CNTN5: variants seen among roughly 807,000 people sequenced by gnomAD.
CNTN5 encodes the protein contactin 5, also known as contactin-5.
In CNTN5, 77 loss-of-function variants were observed where a neutral mutation model predicts 129.1. That is an observed-to-expected ratio of 0.60 (90% CI 0.50 to 0.72). The LOEUF (loss-of-function observed/expected upper bound fraction) is 0.72, where lower values mean the gene tolerates loss of function less well. Ranked by LOEUF, CNTN5 falls within the 30% of genes least tolerant of loss-of-function variation. The pLI is 0.00. For synonymous variants in CNTN5, 509 were observed against 465.6 expected (o/e 1.09, Z -1.20); for missense variants, 1,478 against 1,328.8 (o/e 1.11, Z -1.75).
At chr11:99,942,692 G>C (rs187475552) in intron 7 of CNTN5, among the ~76,000 whole-genome samples, 2 of 151,902 alleles carry the variant, frequency 1.3e-5, no homozygotes, top group Non-Finnish European at 2.9e-5. Context: ...CCACAACCCC[G>C]ACAGGCCCCG....
chr11:99,283,604 A>G (rs1275589589), intron 1 of CNTN5, among the ~76,000 whole-genome samples: 3 of 152,150 alleles, frequency 2.0e-5, no homozygotes, highest in Admixed American at 6.6e-5. Flanking sequence ...TAAAAATTCT[A>G]TTTGGTGCAT....
chr11:99,903,471 A>G lies in CNTN5; in HGVS notation c.578-12583A>G, dbSNP rs970614423. On this transcript the variant is annotated intron_variant, in intron 6 of 24. Coordinates refer to ENST00000524871, the MANE Select transcript of CNTN5 (RefSeq NM_014361.4). ...AAATGCAGTTATCAGGTTGAAAAGCATAATGTTATACTCACAGTCAAACTG... is the reference window on the plus strand; with the variant it reads ...AAATGCAGTTATCAGGTTGAAAAGCGTAATGTTATACTCACAGTCAAACTG... Among the ~76,000 whole-genome samples, 9 of 152,252 alleles carry G rather than the reference A, an allele frequency of 5.9e-5. No homozygotes were observed. In the South Asian group the frequency reaches 1.9e-3, roughly 31 times the overall value.
chr11:99,722,540 C>A (rs925111612), intron 3 of CNTN5, among the ~76,000 whole-genome samples: 3 of 151,892 alleles, frequency 2.0e-5, no homozygotes, highest in Non-Finnish European at 4.4e-5. Flanking sequence ...GTGCTTAATA[C>A]CTGGGTAATT....
At chr11:100,314,662 C>T (rs1444131025) in intron 21 of CNTN5, among the ~76,000 whole-genome samples, 1 of 152,116 alleles carries the variant, frequency 6.6e-6, no homozygotes, top group Non-Finnish European at 1.5e-5. Flanking sequence ...AGGGAAGCTA[C>T]ACTTGAGCAA....
intron 1 of CNTN5, among the ~76,000 whole-genome samples, chr11:99,039,885 A>G (rs1223497945): frequency 1.3e-5 from 2 of 152,158 alleles, no homozygotes. Flanking sequence ...AGAGGTTTTT[A>G]CACTTTAAAA....
intron 2 of CNTN5, among the ~76,000 whole-genome samples, chr11:99,372,090 A>C (rs969114040): frequency 1.2e-4 from 19 of 152,234 alleles, no homozygotes; most frequent in Non-Finnish European, 1.5e-5. Flanking sequence ...TGGCTGAAAC[A>C]AGCACAGCCT....
At chr11:99,703,327 A>T (rs1242956029) in intron 3 of CNTN5, among the ~76,000 whole-genome samples, 1 of 148,050 alleles carries the variant, frequency 6.8e-6, no homozygotes, top group Non-Finnish European at 1.5e-5. Flanking sequence ...CTAGAGGTTG[A>T]GTTTTGTTAA....
At chr11:99,300,027 T>C (rs1864561997) in intron 1 of CNTN5, among the ~76,000 whole-genome samples, 1 of 152,156 alleles carries the variant, frequency 6.6e-6, no homozygotes, top group Non-Finnish European at 1.5e-5. Context: ...GTATAAGCAT[T>C]GCCTTTTCTC....
In CNTN5 at chr11:99,538,558, A is replaced by G. The variant is rs180976324; in HGVS notation, c.-70-17587A>G. Among the ~76,000 whole-genome samples the G allele has an allele frequency of 5.3e-3, 808 of 152,294 alleles. 10 individuals are homozygous for G. The highest frequency in any genetic ancestry group is 0.019 in the African/African-American group (777 of 41,564). On this transcript the variant is annotated intron_variant, in intron 2 of 24. Coordinates refer to ENST00000524871, the MANE Select transcript of CNTN5 (RefSeq NM_014361.4). ...ATATGCTCATAAAAATAATAGATAC[A>G]TTCCTATAATCCTCGTCAATTTGTT...
In CNTN5 at chr11:99,175,566, T is replaced by G. The variant is rs571978702; in HGVS notation, c.-209-149780T>G. On this transcript the variant is annotated intron_variant, in intron 1 of 24. Transcript: ENST00000524871. ...TCACATGAGAAGAGACAAGATATGA[T>G]GTGGGACCAGACCCCAGATAATGAA... Among the ~76,000 whole-genome samples, 9 of 152,306 alleles carry G rather than the reference T, an allele frequency of 5.9e-5. No homozygotes were observed. In the South Asian group the frequency reaches 1.9e-3, roughly 32 times the overall value.
At chr11:99,535,065 T>C (rs1947852588) in intron 2 of CNTN5, among the ~76,000 whole-genome samples, 1 of 152,160 alleles carries the variant, frequency 6.6e-6, no homozygotes, top group Non-Finnish European at 1.5e-5. Flanking sequence ...ATAGGTCAGA[T>C]GAAGAATATA....
intron 3 of CNTN5, among the ~76,000 whole-genome samples, chr11:99,642,145 T>C (rs951602045): frequency 6.6e-6 from 1 of 152,180 alleles, no homozygotes; most frequent in Admixed American, 6.5e-5. Flanking sequence ...CCTCTGGTCA[T>C]GTTCCCTGCT....
intron 3 of CNTN5, among the ~76,000 whole-genome samples, chr11:99,597,886 T>C (rs1254340260): frequency 6.6e-6 from 1 of 152,150 alleles, no homozygotes; most frequent in Non-Finnish European, 1.5e-5. Context: ...AGCTTATGAA[T>C]GCCATAGCAT....
intron 2 of CNTN5, among the ~76,000 whole-genome samples, chr11:99,483,481 T>C (rs998835570): frequency 6.6e-6 from 1 of 152,176 alleles, no homozygotes; most frequent in African/African-American, 2.4e-5. Flanking sequence ...CGATTTTGTC[T>C]CTTAGTGCAC....
intron 13 of CNTN5, among the ~76,000 whole-genome samples, chr11:100,085,941 G>A (rs1210400990): frequency 6.6e-6 from 1 of 151,850 alleles, no homozygotes; most frequent in Non-Finnish European, 1.5e-5. Flanking sequence ...TAACACAGAG[G>A]GACAGAGTAT....
chr11:100,062,213 A>T (rs1264494102), intron 10 of CNTN5, among the ~76,000 whole-genome samples: 2 of 152,210 alleles, frequency 1.3e-5, no homozygotes, highest in Non-Finnish European at 2.9e-5. Flanking sequence ...AAATAAGCAA[A>T]TATAGATGCT....
intron 8 of CNTN5, among the ~76,000 whole-genome samples, chr11:99,961,219 A>AAAAAC (rs1565725295): frequency 6.9e-5 from 10 of 145,716 alleles, no homozygotes; most frequent in South Asian, 2.2e-4. Flanking sequence ...AAAAAAAAAA[A>AAAAAC]AAAAAACAGT....
chr11:100,000,876 C>G (rs1201836115), intron 8 of CNTN5, among the ~76,000 whole-genome samples: 1 of 152,176 alleles, frequency 6.6e-6, no homozygotes, highest in Admixed American at 6.5e-5. Context: ...GAAGCAATGG[C>G]CTGAGCTGTA....
intron 2 of CNTN5, among the ~76,000 whole-genome samples, chr11:99,342,106 A>C (rs1468189729): frequency 2.6e-5 from 4 of 152,220 alleles, no homozygotes; most frequent in Non-Finnish European, 5.9e-5. Flanking sequence ...TTCCATATTT[A>C]AAAATAGTGT....
Sources: gnomAD v4.1 joint callset for allele counts (sites outside exome capture counted in the v4.1 genomes callset) on GRCh38, gnomAD v4.1.1 for gene constraint, MANE v1.5 for transcripts, NCBI Gene and HGNC (gene_info 2026-07-23, HGNC 2026-07-21) for gene names.